The following SORCS1 variants were observed in gnomAD, a reference collection of about 807,000 sequenced individuals.
SORCS1 encodes the protein VPS10 domain-containing receptor SorCS1.
In SORCS1, 60 loss-of-function variants were observed where a neutral mutation model predicts 146.1. The ratio of observed to expected loss-of-function variants is 0.41; its 90% CI spans 0.33 to 0.51. The LOEUF is 0.51. Ranked by LOEUF, SORCS1 falls within the 20% of genes least tolerant of loss-of-function variation. The probability of loss-of-function intolerance (pLI) is 0.21; values close to 1 mark genes in which losing one functional copy is unlikely to be tolerated. For synonymous variants in SORCS1, 637 were observed against 584.0 expected, an observed-to-expected ratio of 1.09 and a Z score of -1.31; for missense variants, 1,352 against 1,487.6, an observed-to-expected ratio of 0.91 and a Z score of 1.50.
chr10:107,043,259 C>T (rs182510623), intron 1 of SORCS1, among the ~76,000 whole-genome samples: 1 of 152,196 alleles, frequency 6.6e-6, no homozygotes, highest in Non-Finnish European at 1.5e-5. Context: ...AAGTAAACCC[C>T]GTTTTGCCCC....
chr10:107,042,600 G>A (rs895982760), intron 1 of SORCS1, among the ~76,000 whole-genome samples: 1 of 141,602 alleles, frequency 7.1e-6, no homozygotes, highest in African/African-American at 2.9e-5. Flanking sequence ...TTACCAGCGG[G>A]GAAGTGAACT....
intron 1 of SORCS1, among the ~76,000 whole-genome samples, chr10:106,959,804 T>C (rs187919001): frequency 1.1e-3 from 166 of 152,346 alleles, no homozygotes; most frequent in South Asian, 3.9e-3. Context: ...GGACACTGCG[T>C]CCAGCTTTCA....
intron 1 of SORCS1, among the ~76,000 whole-genome samples, chr10:107,001,354 A>G (rs1002637713): frequency 6.6e-6 from 1 of 152,168 alleles, no homozygotes; most frequent in Admixed American, 6.5e-5. Context: ...AGGATGAGGC[A>G]CGTTTCAGAC....
chr10:107,067,398 G>C (rs1453586569), intron 1 of SORCS1, among the ~76,000 whole-genome samples: 1 of 151,828 alleles, frequency 6.6e-6, no homozygotes, highest in Non-Finnish European at 1.5e-5. Context: ...GATCATATTG[G>C]CCTCATAGAC....
intron 17 of SORCS1, among the ~76,000 whole-genome samples, chr10:106,658,545 GA>G (rs941929163): frequency 1.1e-4 from 17 of 152,254 alleles, no homozygotes; most frequent in Admixed American, 7.2e-4. Flanking sequence ...GCTTTCAAGG[GA>G]AAATACTGCC....
chr10:107,031,958 T>C (rs1189807207), intron 1 of SORCS1, among the ~76,000 whole-genome samples: 1 of 152,216 alleles, frequency 6.6e-6, no homozygotes, highest in African/African-American at 2.4e-5. Flanking sequence ...TTCTTCTCCA[T>C]ATGTTATTCC....
At chr10:106,870,759 A>T (rs184485189) in intron 2 of SORCS1, among the ~76,000 whole-genome samples, 5 of 152,338 alleles carry the variant, frequency 3.3e-5, no homozygotes, top group Non-Finnish European at 7.3e-5. Flanking sequence ...AGGCAATACC[A>T]TCCTAGACAT....
In SORCS1 at chr10:106,981,747, A is replaced by C. The variant is rs753871077; in HGVS notation, c.559-25167T>G. On this transcript the variant is annotated intron_variant, in intron 1 of 25. Coordinates refer to ENST00000263054, the MANE Select transcript of SORCS1 (RefSeq NM_052918.5). The stretch of plus-strand genomic sequence containing the variant: ...GAAAATAACCAATATCCAAAAGAAG[A>C]AAGCAGGACAAGGCTCCTCATCACA... 4.6e-5 allele frequency among the ~76,000 whole-genome samples: 7 copies of C among 152,330 alleles called. No homozygotes were observed. The South Asian group carries it at 8.3e-4, about 18-fold the overall frequency.
chr10:107,025,963 A>C (rs1053071277), intron 1 of SORCS1, among the ~76,000 whole-genome samples: 6 of 152,156 alleles, frequency 3.9e-5, no homozygotes, highest in Non-Finnish European at 8.8e-5. Flanking sequence ...CTTGAGAGCT[A>C]CATCAGCCTC....
At chr10:106,881,103 C>T (rs1473871691) in intron 2 of SORCS1, among the ~76,000 whole-genome samples, 3 of 139,034 alleles carry the variant, frequency 2.2e-5, no homozygotes, top group Non-Finnish European at 4.6e-5. Flanking sequence ...AAAAAAGAAG[C>T]AGAATAAATC....
At chr10:107,030,287 C>G (rs189695901) in intron 1 of SORCS1, among the ~76,000 whole-genome samples, 1 of 152,260 alleles carries the variant, frequency 6.6e-6, no homozygotes, top group East Asian at 1.9e-4. Context: ...AAGCTAAGTA[C>G]TCTATATCCA....
chr10:106,887,297 C>G (rs566093876), intron 2 of SORCS1, among the ~76,000 whole-genome samples: 36 of 152,240 alleles, frequency 2.4e-4, no homozygotes, highest in Admixed American at 3.9e-4. Flanking sequence ...AACAATATCA[C>G]TATTTGAACT....
intron 2 of SORCS1, among the ~76,000 whole-genome samples, chr10:106,832,181 C>CT (rs71025561): frequency 0.3 from 38,805 of 130,248 alleles, 6,478 homozygotes; most frequent in Non-Finnish European, 0.39. Context: ...TTTGTTTTCG[C>CT]TTTTTTTTTT....
chr10:107,060,714 T>A lies in SORCS1; in HGVS notation c.558+103255A>T, dbSNP rs1051234776. 2.6e-5 allele frequency among the ~76,000 whole-genome samples: 4 copies of A among 152,228 alleles called. No homozygotes were observed. Among genetic ancestry groups the A allele is most frequent in the African/African-American group, 9.6e-5 (4 of 41,462 alleles). ...CTCTCTTGACACTTGCAGTCATGTT[T>A]ACTCTTAGACAATATCTTTTTACAT... On this transcript the variant is annotated intron_variant, in intron 1 of 25. Transcript: ENST00000263054. This position sits in a 1 kb window ranked among gnomAD's most constrained non-coding sequence, Gnocchi z 4.1.
At chr10:106,815,685 C>T (rs1947705448) in intron 3 of SORCS1, among the ~76,000 whole-genome samples, 1 of 152,140 alleles carries the variant, frequency 6.6e-6, no homozygotes, top group African/African-American at 2.4e-5. Context: ...GATGCTATGG[C>T]TCTCGGGAAT....
intron 5 of SORCS1, among the ~76,000 whole-genome samples, chr10:106,758,922 T>A (rs1487718615): frequency 6.6e-6 from 1 of 152,216 alleles, no homozygotes; most frequent in Non-Finnish European, 1.5e-5. Context: ...TAGTTACAAA[T>A]GTCTCATTAT....
intron 21 of SORCS1, among the ~76,000 whole-genome samples, chr10:106,614,430 G>A (rs1052597018): frequency 6.6e-6 from 1 of 152,148 alleles, no homozygotes; most frequent in African/African-American, 2.4e-5. Flanking sequence ...TTTCGTGGCA[G>A]TTAATATATT....
Position 107,116,148 on chromosome 10 carries a change from T to G in SORCS1, c.558+47821A>C, listed in dbSNP as rs570657911. Among the ~76,000 whole-genome samples, 3 of 152,184 alleles carry G rather than the reference T, an allele frequency of 2.0e-5. No homozygotes were observed. In the East Asian group the frequency reaches 5.8e-4, roughly 29 times the overall value. On this transcript the variant is annotated intron_variant, in intron 1 of 25. Transcript: ENST00000263054. ...GTGAAGGTGGGAAAAAATGAAACGC[T>G]TGTCCACTGTTGATTGGAATGTAAA... is the stretch of plus-strand genomic sequence containing the variant.
In SORCS1 at chr10:107,044,043, C is replaced by T. The variant is rs554500606; in HGVS notation, c.559-87463G>A. The stretch of plus-strand genomic sequence containing the variant: ...GTTCACACGAACAACAGGTTGCCTA[C>T]AACCATCAATGTCAATTCTTTTCTA... On this transcript the variant is annotated intron_variant, in intron 1 of 25. Transcript: ENST00000263054. 9.8e-5 allele frequency among the ~76,000 whole-genome samples: 15 copies of T among 152,294 alleles called. No individual in the cohort carries two copies. The South Asian group carries it at 2.7e-3, about 27-fold the overall frequency.
Sources: gnomAD v4.1 joint callset for allele counts (sites outside exome capture counted in the v4.1 genomes callset) on GRCh38, gnomAD v4.1.1 for gene constraint, Gnocchi (gnomAD v3.1) non-coding constraint, MANE v1.5 for transcripts, NCBI Gene and HGNC (gene_info 2026-07-23, HGNC 2026-07-21) for gene names.